Variants in FZD3 observed in about 807,000 individuals in gnomAD.
FZD3 encodes frizzled-3.
In FZD3, 30 loss-of-function variants were observed where a neutral mutation model predicts 60.7. That is an observed-to-expected ratio of 0.49 (90% CI 0.37 to 0.67). FZD3 has a LOEUF of 0.67. Among genes scored for constraint, FZD3 ranks in the 30% least tolerant of loss-of-function variants. The pLI, the probability that FZD3 is intolerant of heterozygous loss-of-function variation, is 0.00. For synonymous variants in FZD3, 246 were observed against 275.2 expected (o/e 0.89, Z 1.05); for missense variants, 605 against 838.7 (o/e 0.72, Z 3.44).
intron 5 of FZD3, among the ~76,000 whole-genome samples, chr8:28,529,072 T>C (rs971264589): frequency 5.3e-5 from 8 of 152,022 alleles, no homozygotes; most frequent in African/African-American, 1.9e-4. Flanking sequence ...TACACCACCA[T>C]GCCCAGCTAA....
chr8:28,511,303 T>G (rs532919752), intron 3 of FZD3, among the ~76,000 whole-genome samples: 2 of 152,108 alleles, frequency 1.3e-5, no homozygotes, highest in South Asian at 4.1e-4. Context: ...CTGGCCAACA[T>G]GGTGAAACCC....
In FZD3 at chr8:28,572,424, A is replaced by C. The variant is rs879356163; in HGVS notation, c.*9413A>C. On this transcript the variant is annotated 3_prime_UTR_variant, in exon 8 of 8. Transcript: ENST00000240093. ...AAATCTTATCAAGAAAATTCTCCTT[A>C]AAAAAAGTTATCCTTTATTTTGTTG... is the stretch of plus-strand genomic sequence containing the variant. The C allele has an allele frequency of 6.6e-6, 1 of 152,190 alleles. No individual in the cohort carries two copies. The highest frequency in any genetic ancestry group is 1.5e-5 in the Non-Finnish European group (1 of 68,020). The allele number at this position is 152,190 out of a possible 1,614,324, so 9.4% of individuals were successfully genotyped here.
chr8:28,522,600 C>A (rs562451759), intron 4 of FZD3, among the ~76,000 whole-genome samples: 1 of 152,036 alleles, frequency 6.6e-6, no homozygotes, highest in African/African-American at 2.4e-5. Context: ...GTATTTAACG[C>A]CTATTGTTTA....
At chr8:28,543,074 A>G (rs1397969646) in intron 5 of FZD3, among the ~76,000 whole-genome samples, 2 of 152,210 alleles carry the variant, frequency 1.3e-5, no homozygotes, top group East Asian at 1.9e-4. Flanking sequence ...CTCTTATTTT[A>G]TAAAAAGTGA....
At position 28,563,085 on chromosome 8, in the gene FZD3, T is replaced by A; in HGVS notation, c.*74T>A. The A allele has an allele frequency of 1.1e-6, 1 of 922,834 alleles. No individual in the cohort carries two copies. Among genetic ancestry groups the A allele is most frequent in the Non-Finnish European group, 1.8e-6 (1 of 555,692 alleles). 57.2% of individuals were successfully genotyped at this position (922,834 alleles called of 1,614,324 possible). On this transcript the variant is annotated 3_prime_UTR_variant, in exon 8 of 8. Transcript: ENST00000240093. ...TATTCTTTGCCTTTTGCATGACTGATAGCTGTAACTCACAGTTAACATGCT... is the reference window on the plus strand; with the variant it reads ...TATTCTTTGCCTTTTGCATGACTGAAAGCTGTAACTCACAGTTAACATGCT...
At chr8:28,553,254 G>A (rs973180511) in intron 6 of FZD3, among the ~76,000 whole-genome samples, 24 of 152,296 alleles carry the variant, frequency 1.6e-4, no homozygotes, top group African/African-American at 5.8e-4. Context: ...CGTCTTCTAG[G>A]CATTTATTCA....
chr8:28,512,137 G>C (rs1804306127), intron 3 of FZD3, among the ~76,000 whole-genome samples: 2 of 151,854 alleles, frequency 1.3e-5, no homozygotes, highest in Admixed American at 1.3e-4. Context: ...TCTATTTTTT[G>C]GGTGGTAGGG....
rs560906651 is a variant in FZD3, at chr8:28,566,364, T to A, written c.*3353T>A. 6.6e-6 allele frequency: 1 copy of A among 152,288 alleles called. No homozygotes were observed. Among genetic ancestry groups the A allele is most frequent in the South Asian group, 2.1e-4 (1 of 4,832 alleles). The allele number at this position is 152,288 out of a possible 1,614,324, so 9.4% of individuals were successfully genotyped here. A position where few individuals can be genotyped will look rare whatever the true frequency, so the allele number is the denominator to read the frequency against. Reference sequence around the variant, plus strand: ...ATTAATTTTAGAAGATGAACAGTGATTCTTAGAAGTGAGTAATTAGACTCC... The same window carrying A: ...ATTAATTTTAGAAGATGAACAGTGAATCTTAGAAGTGAGTAATTAGACTCC... On this transcript the variant is annotated 3_prime_UTR_variant, in exon 8 of 8. Transcript: ENST00000240093.
intron 7 of FZD3, among the ~76,000 whole-genome samples, chr8:28,562,283 C>T (rs1246986426): frequency 6.6e-6 from 1 of 152,100 alleles, no homozygotes; most frequent in Non-Finnish European, 1.5e-5. Flanking sequence ...CACATACTGT[C>T]ATCATTGCTT....
Position 28,571,577 on chromosome 8 carries a change from TATA to T in FZD3, c.*8570_*8572del, listed in dbSNP as rs1204142394. 1 of 152,188 alleles carries T rather than the reference TATA, an allele frequency of 6.6e-6. No individual in the cohort carries two copies. Among genetic ancestry groups the T allele is most frequent in the Non-Finnish European group, 1.5e-5 (1 of 68,028 alleles). The allele number at this position is 152,188 out of a possible 1,614,324, so 9.4% of individuals were successfully genotyped here. A position where few individuals can be genotyped will look rare whatever the true frequency, so the allele number is the denominator to read the frequency against. On this transcript the variant is annotated 3_prime_UTR_variant, in exon 8 of 8. Coordinates refer to ENST00000240093, the MANE Select transcript of FZD3 (RefSeq NM_017412.4). Reference sequence around the variant, plus strand: ...CCAAATTTCGTATCATTCATCTTTTTATAATATTTAACTTCCCTAGAATCACCC... The same window carrying T: ...CCAAATTTCGTATCATTCATCTTTTTATATTTAACTTCCCTAGAATCACCC...
chr8:28,536,068 A>G (rs987027118), intron 5 of FZD3, among the ~76,000 whole-genome samples: 4 of 152,268 alleles, frequency 2.6e-5, no homozygotes, highest in Non-Finnish European at 5.9e-5. Flanking sequence ...AATGAGAAAT[A>G]TAAACCTCTT....
intron 5 of FZD3, among the ~76,000 whole-genome samples, chr8:28,534,684 C>T (rs1804965289): frequency 6.6e-6 from 1 of 152,166 alleles, no homozygotes. Context: ...CTAGATATCT[C>T]ATATAAATGG....
chr8:28,508,043 C>T (rs1476270603), intron 3 of FZD3, among the ~76,000 whole-genome samples: 1 of 152,136 alleles, frequency 6.6e-6, no homozygotes, highest in African/African-American at 2.4e-5. Context: ...TACATGCCAT[C>T]ATGCCTGGCT....
At chr8:28,497,141 A>G (rs920515014) in intron 1 of FZD3, among the ~76,000 whole-genome samples, 2 of 152,200 alleles carry the variant, frequency 1.3e-5, no homozygotes, top group Non-Finnish European at 2.9e-5. Context: ...ACCTAGATGG[A>G]TTTACTTTTC....
At position 28,497,299 on chromosome 8, in the gene FZD3, C is replaced by CT. The variant is rs138152545; in HGVS notation, c.-390-2633dup. ...GAGATACTCTGAGATTAATAGGAAT[C>CT]TAGGTCCTGTGAATTAAATATGAAG... On this transcript the variant is annotated intron_variant, in intron 1 of 7. Coordinates refer to ENST00000240093, the MANE Select transcript of FZD3 (RefSeq NM_017412.4). 4.4e-3 allele frequency among the ~76,000 whole-genome samples: 666 copies of CT among 152,316 alleles called. 5 individuals are homozygous for CT. The highest frequency in any genetic ancestry group is 0.014 in the Middle Eastern group (4 of 294).
intron 7 of FZD3, 150 bp from the exon 8 acceptor site, chr8:28,562,648 C>T (rs555808096): frequency 1.9e-5 from 12 of 621,688 alleles, no homozygotes; most frequent in South Asian, 9.6e-5. Flanking sequence ...ACAGTGTTAA[C>T]GAAGTTAAGC....
chr8:28,556,590 A>C (rs1255914094), intron 7 of FZD3, among the ~76,000 whole-genome samples: 4 of 152,224 alleles, frequency 2.6e-5, no homozygotes, highest in Non-Finnish European at 5.9e-5. Context: ...TAGTTCAGGA[A>C]TTAGCAAACG....
chr8:28,516,019 T>C (rs1405632125), intron 3 of FZD3, among the ~76,000 whole-genome samples: 1 of 152,256 alleles, frequency 6.6e-6, no homozygotes, highest in Admixed American at 6.5e-5. Context: ...TTTTCTTCTA[T>C]GAGTTTCATA....
chr8:28,520,494 T>TA, intron 3 of FZD3, 144 bp from the exon 4 acceptor site: 2 of 521,410 alleles, frequency 3.8e-6, no homozygotes, highest in East Asian at 2.9e-5. Context: ...CAGTTTTGTT[T>TA]AAAAAAACAA....
Sources: allele counts gnomAD v4.1 joint callset (sites outside exome capture counted in the v4.1 genomes callset), GRCh38; gene constraint gnomAD v4.1.1; transcripts MANE v1.5; gene names NCBI Gene and HGNC (gene_info 2026-07-23, HGNC 2026-07-21).